PPP1R17: variants seen among roughly 807,000 people sequenced by gnomAD.
PPP1R17 encodes the protein G-substrate.
Under a neutral mutation model 15.9 loss-of-function variants are expected in PPP1R17, and 12 were observed. The observed-to-expected ratio is 0.75, with a 90% confidence interval of 0.48 to 1.22. The LOEUF is 1.22. PPP1R17 is among the 50% of genes most tolerant of loss of function. The pLI is 0.00. For synonymous variants in PPP1R17, 63 were observed against 64.5 expected (o/e 0.98, Z 0.11); for missense variants, 211 against 187.3 (o/e 1.13, Z -0.74).
At chr7:31,690,427 C>T (rs532889801) in intron 1 of PPP1R17, among the ~76,000 whole-genome samples, 23 of 152,308 alleles carry the variant, frequency 1.5e-4, no homozygotes, top group African/African-American at 5.3e-4. Context: ...TTCTGGGTGC[C>T]AGACTGTGTG....
intron 1 of PPP1R17, among the ~76,000 whole-genome samples, chr7:31,688,496 G>A (rs911658564): frequency 1.3e-5 from 2 of 152,220 alleles, no homozygotes; most frequent in Non-Finnish European, 2.9e-5. Flanking sequence ...TTTCAGCTCC[G>A]CTGGTGTGCC....
At chr7:31,689,642 G>C (rs1354056757) in intron 1 of PPP1R17, among the ~76,000 whole-genome samples, 1 of 152,066 alleles carries the variant, frequency 6.6e-6, no homozygotes, top group African/African-American at 2.4e-5. Flanking sequence ...GAAATGGAGA[G>C]TGAGTTGAGA....
chr7:31,697,202 C>T (rs943644983), intron 4 of PPP1R17, 85 bp downstream of exon 4: 94 of 1,508,630 alleles, frequency 6.2e-5, no homozygotes, highest in Middle Eastern at 2.0e-4. Flanking sequence ...AGGGCCTGGC[C>T]GTTGTCCTGC....
At chr7:31,691,064 T>C (rs967859630) in intron 1 of PPP1R17, among the ~76,000 whole-genome samples, 1 of 152,168 alleles carries the variant, frequency 6.6e-6, no homozygotes, top group Non-Finnish European at 1.5e-5. Context: ...TTCCTGATGG[T>C]CGCAGGGAGT....
Position 31,707,416 on chromosome 7 carries a change from G to A in PPP1R17, c.*133G>A, listed in dbSNP as rs1793118336. 1.5e-6 allele frequency: 1 copy of A among 677,830 alleles called. No individual in the cohort carries two copies. Among genetic ancestry groups the A allele is most frequent in the South Asian group, 2.1e-5 (1 of 48,092 alleles). 42.0% of individuals were successfully genotyped at this position (677,830 alleles called of 1,614,324 possible). A position where few individuals can be genotyped will look rare whatever the true frequency, so the allele number is the denominator to read the frequency against. On this transcript the variant is annotated 3_prime_UTR_variant, in exon 5 of 5. Coordinates refer to ENST00000342032, the MANE Select transcript of PPP1R17 (RefSeq NM_006658.5). ...GAAGATTCAGACACCTTCTCCCCAG[G>A]AGATGTATGCCATCAAATTGCCAGT...
chr7:31,703,329 C>G (rs1159224874), intron 4 of PPP1R17, among the ~76,000 whole-genome samples: 1 of 152,222 alleles, frequency 6.6e-6, no homozygotes, highest in Non-Finnish European at 1.5e-5. Context: ...GGGTTGAGCT[C>G]TGTTTACCTG....
At chr7:31,690,267 T>C (rs576647477) in intron 1 of PPP1R17, among the ~76,000 whole-genome samples, 10 of 152,358 alleles carry the variant, frequency 6.6e-5, no homozygotes, top group Non-Finnish European at 7.3e-5. Context: ...TACATAAAAA[T>C]AGCTGCCACT....
chr7:31,691,595 G>C (rs770745459), intron 1 of PPP1R17, among the ~76,000 whole-genome samples: 1 of 151,864 alleles, frequency 6.6e-6, no homozygotes, highest in African/African-American at 2.4e-5. Flanking sequence ...ATAACTAATA[G>C]CTCTGGAAAG....
intron 1 of PPP1R17, among the ~76,000 whole-genome samples, chr7:31,691,627 G>C (rs1315286616): frequency 2.0e-5 from 3 of 151,912 alleles, no homozygotes; most frequent in African/African-American, 4.8e-5. Flanking sequence ...TTCCAGGAAA[G>C]ATGGAGGGTG....
intron 1 of PPP1R17, among the ~76,000 whole-genome samples, chr7:31,689,575 C>G (rs1394461709): frequency 3.9e-5 from 6 of 152,044 alleles, no homozygotes; most frequent in African/African-American, 1.4e-4. Context: ...AAGAATTAGA[C>G]CGGCTCATGT....
In PPP1R17 at chr7:31,694,512, G is replaced by A. The variant is rs1792493524; in HGVS notation, c.83-957G>A. ...TTCTCAGAACTAGAAAATGATAAGA[G>A]TCCATGTTTGAACTCAGATCAGCTT... On this transcript the variant is annotated intron_variant, in intron 2 of 4. Transcript: ENST00000342032. Among the ~76,000 whole-genome samples the A allele has an allele frequency of 3.9e-5, 6 of 152,154 alleles. No individual in the cohort carries two copies. The South Asian group carries it at 1.2e-3, about 32-fold the overall frequency.
intron 2 of PPP1R17, among the ~76,000 whole-genome samples, chr7:31,693,299 C>T (rs144412781): frequency 7.2e-5 from 11 of 152,284 alleles, no homozygotes; most frequent in African/African-American, 2.4e-4. Flanking sequence ...AGGTTTGTAC[C>T]TCAAGAGACC....
At chr7:31,702,599 A>G (rs992328245) in intron 4 of PPP1R17, among the ~76,000 whole-genome samples, 7 of 152,160 alleles carry the variant, frequency 4.6e-5, no homozygotes, top group Non-Finnish European at 7.3e-5. Flanking sequence ...GCATGCAAAT[A>G]CCCAAAACTT....
At chr7:31,687,982 G>C (rs1041459595) in intron 1 of PPP1R17, among the ~76,000 whole-genome samples, 1 of 152,170 alleles carries the variant, frequency 6.6e-6, no homozygotes, top group African/African-American at 2.4e-5. Context: ...AAATGGGTTG[G>C]TTTTTGTCTT....
intron 2 of PPP1R17, among the ~76,000 whole-genome samples, chr7:31,695,184 G>T (rs1792526902): frequency 6.6e-6 from 1 of 152,134 alleles, no homozygotes; most frequent in Admixed American, 6.6e-5. Context: ...CCACTCTGTG[G>T]CTTGCCGGAC....
At chr7:31,694,138 A>G (rs1199764122) in intron 2 of PPP1R17, among the ~76,000 whole-genome samples, 1 of 152,242 alleles carries the variant, frequency 6.6e-6, no homozygotes, top group East Asian at 1.9e-4. Context: ...TGCAGAAATA[A>G]TAACTAGATC....
Position 31,707,314 on chromosome 7 carries a change from G to A in PPP1R17, c.*31G>A. ...GTTCCCCTGAGACCACTTGTAAATA[G>A]GTTAGATTGGTTCCCTGTGGTGACC... On this transcript the variant is annotated 3_prime_UTR_variant, in exon 5 of 5. Coordinates refer to ENST00000342032, the MANE Select transcript of PPP1R17 (RefSeq NM_006658.5). The A allele has an allele frequency of 1.3e-6, 2 of 1,576,996 alleles. No individual in the cohort carries two copies. The highest frequency in any genetic ancestry group is 1.7e-6 in the Non-Finnish European group (2 of 1,148,962).
chr7:31,699,423 A>G (rs1792748809), intron 4 of PPP1R17, among the ~76,000 whole-genome samples: 1 of 152,196 alleles, frequency 6.6e-6, no homozygotes, highest in East Asian at 1.9e-4. Flanking sequence ...CTTCTTTCAG[A>G]GCAGTTTTAA....
chr7:31,697,917 T>C (rs1433044527), intron 4 of PPP1R17, among the ~76,000 whole-genome samples: 1 of 152,190 alleles, frequency 6.6e-6, no homozygotes, highest in African/African-American at 2.4e-5. Context: ...CTTTAAAGTC[T>C]TATGTGGATA....
Sources: allele counts gnomAD v4.1 joint callset (sites outside exome capture counted in the v4.1 genomes callset), GRCh38; gene constraint gnomAD v4.1.1; transcripts MANE v1.5; gene names NCBI Gene and HGNC (gene_info 2026-07-23, HGNC 2026-07-21).